Variants in DPP6 observed in about 807,000 individuals in gnomAD.
The protein encoded by DPP6 is dipeptidyl peptidase like 6, also known as A-type potassium channel modulatory protein DPP6.
DPP6 carries 69 observed loss-of-function variants against 122.6 expected under a neutral mutation model. The ratio of observed to expected loss-of-function variants is 0.56; its 90% CI spans 0.46 to 0.69. DPP6 has a LOEUF of 0.69. Among genes scored for constraint, DPP6 ranks in the 30% least tolerant of loss-of-function variants. DPP6 has a pLI of 0.00. For synonymous variants in DPP6, 418 were observed against 433.1 expected, an observed-to-expected ratio of 0.97 and a Z score of 0.43; for missense variants, 928 against 1,116.9, an observed-to-expected ratio of 0.83 and a Z score of 2.41.
chr7:154,203,842 A>G (rs1799298305), intron 1 of DPP6, among the ~76,000 whole-genome samples: 2 of 152,246 alleles, frequency 1.3e-5, no homozygotes, highest in Admixed American at 1.3e-4. Context: ...CAAGTCGTCT[A>G]CATTTACTTT....
chr7:154,369,356 T>C (rs963753718), intron 1 of DPP6, among the ~76,000 whole-genome samples: 1 of 152,108 alleles, frequency 6.6e-6, no homozygotes, highest in Non-Finnish European at 1.5e-5. Flanking sequence ...GTAACTAACT[T>C]TGTGTCAACT....
At chr7:153,792,363 C>G in the DPP6 span, among the ~76,000 whole-genome samples, 1 of 152,172 alleles carries the variant, frequency 6.6e-6, no homozygotes, top group Non-Finnish European at 1.5e-5. Flanking sequence ...TATTCTGACC[C>G]AATAACATTA....
chr7:154,160,027 T>C (rs1796897985), intron 1 of DPP6, among the ~76,000 whole-genome samples: 1 of 152,172 alleles, frequency 6.6e-6, no homozygotes. Context: ...GAGGATCCCT[T>C]GATCCCAGCA....
intron 12 of DPP6, among the ~76,000 whole-genome samples, chr7:154,799,305 A>G (rs762225922): frequency 5.9e-5 from 9 of 152,142 alleles, no homozygotes; most frequent in Non-Finnish European, 1.0e-4. Context: ...ACAGAAGAGG[A>G]AAATGCATGT....
At chr7:153,808,253 G>A in the DPP6 span, among the ~76,000 whole-genome samples, 786 of 151,456 alleles carry the variant, frequency 5.2e-3, 18 homozygotes, top group African/African-American at 0.018. Flanking sequence ...GTGCACGTGC[G>A]TGCGTGTGTG....
At position 153,950,725 on chromosome 7, in the gene DPP6, A is replaced by C. The variant is rs60389481; in HGVS notation, c.51+62991A>C. Among the ~76,000 whole-genome samples, 445 of 152,306 alleles carry C rather than the reference A, an allele frequency of 2.9e-3. 4 individuals carry two copies. The highest frequency in any genetic ancestry group is 9.5e-3 in the African/African-American group (396 of 41,556). ...TACCTTGCCAGTTGGGTGGATGCTG[A>C]CCTCATTCAAGGAAAATAAGAAGGA... On this transcript the variant is annotated intron_variant, in intron 1 of 25. Transcript: ENST00000404039.
chr7:154,014,580 T>A (rs1470165226), intron 1 of DPP6, among the ~76,000 whole-genome samples: 1 of 151,876 alleles, frequency 6.6e-6, no homozygotes, highest in Non-Finnish European at 1.5e-5. Context: ...GCTTATTGCT[T>A]GAACCTGGGA....
intron 25 of DPP6, chr7:154,890,885 C>T (rs1806545645): frequency 6.6e-6 from 1 of 152,176 alleles, no homozygotes; most frequent in African/African-American, 2.4e-5. Context: ...TTTCACCCTC[C>T]AAAAACATAC....
At chr7:154,615,581 G>T (rs1181085158) in intron 5 of DPP6, among the ~76,000 whole-genome samples, 2 of 152,160 alleles carry the variant, frequency 1.3e-5, no homozygotes, top group Non-Finnish European at 2.9e-5. Context: ...TCACAACGTT[G>T]TATAACCATC....
At position 154,454,310 on chromosome 7, in the gene DPP6, G is replaced by A. The variant is rs183042840; in HGVS notation, c.358+7982G>A. On this transcript the variant is annotated intron_variant, in intron 2 of 25. Coordinates refer to ENST00000377770, the MANE Select transcript of DPP6 (RefSeq NM_130797.4). ...TACTCTGATCATGAAACACAGAGTT[G>A]TTTTGGCTGCTGCCGATGCTACCAC... 7.7e-4 allele frequency among the ~76,000 whole-genome samples: 118 copies of A among 152,328 alleles called. 1 individual carries two copies. Among genetic ancestry groups the A allele is most frequent in the Non-Finnish European group, 1.5e-3 (103 of 68,040 alleles).
At chr7:154,828,666 G>T (rs1378390891) in intron 16 of DPP6, among the ~76,000 whole-genome samples, 2 of 152,154 alleles carry the variant, frequency 1.3e-5, no homozygotes, top group Non-Finnish European at 2.9e-5. Flanking sequence ...TTTCATGAAG[G>T]TCATTATGCT....
rs1302842594 is a variant in DPP6 at position 153,990,141 on chromosome 7, C to T, written c.51+102407C>T. 3.4e-5 allele frequency among the ~76,000 whole-genome samples: 2 copies of T among 59,026 alleles called. 1 individual carries two copies. The highest frequency in any genetic ancestry group is 7.7e-4 in the East Asian group (2 of 2,600). The allele number at this position is 59,026 out of a possible 152,430, so 38.7% of individuals were successfully genotyped here. A position where few individuals can be genotyped will look rare whatever the true frequency, so the allele number is the denominator to read the frequency against. On this transcript the variant is annotated intron_variant, in intron 1 of 25. Coordinates refer to the DPP6 transcript ENST00000404039. ...CCCTGCCAGCCCCACCACTGATCATCCCCGCCCTCAGACAGTTTTGCCCCT... is the reference window on the plus strand; with the variant it reads ...CCCTGCCAGCCCCACCACTGATCATTCCCGCCCTCAGACAGTTTTGCCCCT...
At chr7:154,519,011 C>T (rs1826759941) in intron 3 of DPP6, among the ~76,000 whole-genome samples, 1 of 152,144 alleles carries the variant, frequency 6.6e-6, no homozygotes, top group African/African-American at 2.4e-5. Flanking sequence ...ATTCTTACTT[C>T]CACTTACTAC....
intron 3 of DPP6, among the ~76,000 whole-genome samples, chr7:154,495,360 A>G (rs1277292862): frequency 6.9e-6 from 1 of 144,296 alleles, no homozygotes; most frequent in African/African-American, 2.6e-5. Flanking sequence ...AGACATGTAT[A>G]TGTGTTTGGC....
At chr7:154,408,713 C>T (rs1209997736) in intron 1 of DPP6, among the ~76,000 whole-genome samples, 1 of 151,858 alleles carries the variant, frequency 6.6e-6, no homozygotes, top group Non-Finnish European at 1.5e-5. Context: ...ATTGCATTTG[C>T]GTGTCCTATC....
intron 1 of DPP6, among the ~76,000 whole-genome samples, chr7:154,315,898 A>G (rs1807391054): frequency 6.6e-6 from 1 of 152,192 alleles, no homozygotes; most frequent in Non-Finnish European, 1.5e-5. Flanking sequence ...CTGTACCTTG[A>G]CACACATATA....
At chr7:154,719,794 T>C (rs763485367) in intron 7 of DPP6, among the ~76,000 whole-genome samples, 1 of 152,138 alleles carries the variant, frequency 6.6e-6, no homozygotes, top group African/African-American at 2.4e-5. Context: ...TCAGCAGAAA[T>C]GGGAAACGGA....
intron 1 of DPP6, among the ~76,000 whole-genome samples, chr7:154,066,960 C>A: frequency 6.8e-6 from 1 of 147,362 alleles, no homozygotes; most frequent in East Asian, 2.0e-4. Flanking sequence ...TAGCCACTTG[C>A]CCCATATGGC....
Position 154,182,706 on chromosome 7 carries a change from T to C in DPP6, c.243+129643T>C, listed in dbSNP as rs144314523. 7.2e-3 allele frequency among the ~76,000 whole-genome samples: 1,092 copies of C among 152,076 alleles called. 11 individuals carry two copies. Among genetic ancestry groups the C allele is most frequent in the African/African-American group, 0.025 (1,035 of 41,496 alleles). ...GACTAGGAAGAGGCTTTGTGCTGTGTCTCTCGGTGTGCTATTAATATGTGA... is the reference window on the plus strand; with the variant it reads ...GACTAGGAAGAGGCTTTGTGCTGTGCCTCTCGGTGTGCTATTAATATGTGA... On this transcript the variant is annotated intron_variant, in intron 1 of 25. Transcript: ENST00000377770.
Sources: allele counts gnomAD v4.1 joint callset (sites outside exome capture counted in the v4.1 genomes callset), GRCh38; gene constraint gnomAD v4.1.1; transcripts MANE v1.5; gene names NCBI Gene and HGNC (gene_info 2026-07-23, HGNC 2026-07-21).